CYRIA: variants seen among roughly 807,000 people sequenced by gnomAD.
CYRIA encodes the protein CYFIP related Rac1 interactor A, also known as CYFIP-related Rac1 interactor A.
In CYRIA, 15 loss-of-function variants were observed where a neutral mutation model predicts 43.9. That is an observed-to-expected ratio of 0.34 (90% confidence interval 0.23 to 0.53). The LOEUF is 0.53. Among genes scored for constraint, CYRIA ranks in the 20% least tolerant of loss-of-function variants. The pLI, the probability that CYRIA is intolerant of heterozygous loss-of-function variation, is 0.94. For missense variants in CYRIA, 236 were observed against 394.2 expected (o/e 0.60, Z 3.40); for synonymous variants, 117 against 136.0 (o/e 0.86, Z 0.97).
intron 5 of CYRIA, 61 bp from the exon 6 acceptor site, chr2:16,562,202 C>T (rs1265199107): frequency 6.5e-7 from 1 of 1,539,590 alleles, no homozygotes; most frequent in Non-Finnish European, 8.8e-7. Flanking sequence ...CTTCAAAGAA[C>T]ACAATTCCCA....
At chr2:16,634,296 C>T (rs1266408271) in intron 1 of CYRIA, among the ~76,000 whole-genome samples, 5 of 152,186 alleles carry the variant, frequency 3.3e-5, no homozygotes, top group African/African-American at 1.2e-4. Context: ...TGGACTAAAA[C>T]ACCAGCCACA....
At position 16,650,256 on chromosome 2, in the gene CYRIA, G is replaced by A. The variant is rs998680154; in HGVS notation, c.-167+15524C>T. Among the ~76,000 whole-genome samples, 8 of 152,174 alleles carry A rather than the reference G, an allele frequency of 5.3e-5. No individual in the cohort carries two copies. Among genetic ancestry groups the A allele is most frequent in the South Asian group, 4.2e-4 (2 of 4,818 alleles). On this transcript the variant is annotated intron_variant, in intron 1 of 11. Coordinates refer to ENST00000381323, the MANE Select transcript of CYRIA (RefSeq NM_030797.4). This position sits in a 1 kb window ranked among gnomAD's most constrained non-coding sequence, Gnocchi z 4.1. ...GTATTATGTTGGGGTCTGCTGAGACGAAATTATGTCAATTTTATGGATGAC... is the reference window on the plus strand; with the variant it reads ...GTATTATGTTGGGGTCTGCTGAGACAAAATTATGTCAATTTTATGGATGAC...
intron 2 of CYRIA, among the ~76,000 whole-genome samples, chr2:16,614,226 A>C (rs1299472603): frequency 1.3e-5 from 2 of 152,216 alleles, no homozygotes; most frequent in Non-Finnish European, 2.9e-5. Flanking sequence ...GCCTGCTTTT[A>C]TGGACAGATG....
At chr2:16,629,245 C>T (rs1053031014) in intron 1 of CYRIA, among the ~76,000 whole-genome samples, 1 of 152,180 alleles carries the variant, frequency 6.6e-6, no homozygotes, top group African/African-American at 2.4e-5. Context: ...CAGCAGGCAC[C>T]CATCATGCGT....
intron 1 of CYRIA, among the ~76,000 whole-genome samples, chr2:16,635,922 T>C (rs926968607): frequency 6.6e-6 from 1 of 152,084 alleles, no homozygotes; most frequent in African/African-American, 2.4e-5. Context: ...GGATTGAAAA[T>C]GCATTTAGCA....
chr2:16,664,093 G>T (rs1336309421), intron 1 of CYRIA, among the ~76,000 whole-genome samples: 2 of 152,176 alleles, frequency 1.3e-5, no homozygotes, highest in African/African-American at 2.4e-5. Context: ...AATAACACCA[G>T]TGAGGTCCTT....
intron 2 of CYRIA, among the ~76,000 whole-genome samples, chr2:16,609,113 C>A (rs1043224533): frequency 6.6e-6 from 1 of 152,192 alleles, no homozygotes; most frequent in African/African-American, 2.4e-5. Context: ...GTGCTCCTCG[C>A]GGATTTCCTG....
chr2:16,565,264 C>G (rs1257227605), intron 4 of CYRIA, among the ~76,000 whole-genome samples: 1 of 151,306 alleles, frequency 6.6e-6, no homozygotes, highest in Non-Finnish European at 1.5e-5. Context: ...CTCACTGAAA[C>G]CTCTGCTTCC....
At chr2:16,628,609 A>G (rs1669234078) in intron 1 of CYRIA, among the ~76,000 whole-genome samples, 1 of 152,214 alleles carries the variant, frequency 6.6e-6, no homozygotes, top group Non-Finnish European at 1.5e-5. Flanking sequence ...AAACGAGGAT[A>G]CCTCTGAGAG....
chr2:16,615,516 A>T (rs1317633391), intron 2 of CYRIA, among the ~76,000 whole-genome samples: 2 of 152,176 alleles, frequency 1.3e-5, no homozygotes, highest in African/African-American at 2.4e-5. Context: ...ACAATATCTC[A>T]GTCCTTGAGC....
At chr2:16,583,333 CA>C (rs1276401748) in intron 3 of CYRIA, among the ~76,000 whole-genome samples, 3 of 152,194 alleles carry the variant, frequency 2.0e-5, no homozygotes, top group Non-Finnish European at 4.4e-5. Flanking sequence ...CAAAAAGTTG[CA>C]TGGGTTAGCT....
chr2:16,586,161 T>C (rs1009882095), intron 3 of CYRIA, among the ~76,000 whole-genome samples: 7 of 152,102 alleles, frequency 4.6e-5, no homozygotes, highest in African/African-American at 1.7e-4. Context: ...GTTAGTCTCC[T>C]ACTCCCAGGC....
At chr2:16,636,021 C>T (rs939817593) in intron 1 of CYRIA, among the ~76,000 whole-genome samples, 2 of 152,128 alleles carry the variant, frequency 1.3e-5, no homozygotes, top group Non-Finnish European at 2.9e-5. Context: ...TCTGATCAGG[C>T]TGGCACCACT....
intron 3 of CYRIA, among the ~76,000 whole-genome samples, chr2:16,576,666 G>C (rs1271732972): frequency 6.6e-6 from 1 of 152,190 alleles, no homozygotes; most frequent in Non-Finnish European, 1.5e-5. Flanking sequence ...CTCCAGTAGA[G>C]TGTAAACTTG....
chr2:16,555,000 G>A, intron 11 of CYRIA, 69 bp downstream of exon 11: 3 of 1,217,716 alleles, frequency 2.5e-6, no homozygotes, highest in Non-Finnish European at 3.6e-6. Flanking sequence ...ATCCACAACA[G>A]TATTTAAATT....
intron 3 of CYRIA, among the ~76,000 whole-genome samples, chr2:16,576,075 T>C (rs2103437217): frequency 6.6e-6 from 1 of 152,236 alleles, no homozygotes; most frequent in Admixed American, 6.5e-5. Flanking sequence ...ATCTCGGGTA[T>C]GTCTTTATAA....
At chr2:16,643,925 C>T (rs564750479) in intron 1 of CYRIA, among the ~76,000 whole-genome samples, 2 of 152,340 alleles carry the variant, frequency 1.3e-5, no homozygotes, top group South Asian at 4.1e-4. Flanking sequence ...GTGCCAAGCA[C>T]AGTGCCTGCA....
At chr2:16,582,642 A>G (rs969614907) in intron 3 of CYRIA, among the ~76,000 whole-genome samples, 4 of 152,144 alleles carry the variant, frequency 2.6e-5, no homozygotes, top group Non-Finnish European at 5.9e-5. Flanking sequence ...AGCTTCTTTC[A>G]CTTAGCACAA....
In CYRIA at chr2:16,561,257, G is replaced by C; in HGVS notation, c.534C>G (p.Val178=). 1 of 1,612,588 alleles carries C rather than the reference G, an allele frequency of 6.2e-7. No homozygotes were observed. The highest frequency in any genetic ancestry group is 1.1e-5 in the South Asian group (1 of 91,026). Residue 178 remains valine, a synonymous_variant, in exon 8 of 12, where the codon GTC becomes GTG. Coordinates refer to ENST00000381323, the MANE Select transcript of CYRIA (RefSeq NM_030797.4). ...NNMHLDIENE[V]NNEMANRMSL... is the part of the protein sequence containing the mutation. ...ACATTCGATTGGCCATCTCATTATTGACTTCATTCTCAATGTCTAGCTGAT... is the reference window on the plus strand; with the variant it reads ...ACATTCGATTGGCCATCTCATTATTCACTTCATTCTCAATGTCTAGCTGAT...
Sources: allele counts gnomAD v4.1 joint callset (sites outside exome capture counted in the v4.1 genomes callset), GRCh38; gene constraint gnomAD v4.1.1; non-coding constraint Gnocchi (gnomAD v3.1); transcripts MANE v1.5; gene names NCBI Gene and HGNC (gene_info 2026-07-23, HGNC 2026-07-21).